ADARB2: variants seen among roughly 807,000 people sequenced by gnomAD.
ADARB2 encodes inactive double-stranded RNA-specific editase B2.
ADARB2 carries 25 observed loss-of-function variants against 62.2 expected under a neutral mutation model. The observed-to-expected ratio is 0.40, with a 90% CI of 0.29 to 0.56. ADARB2 has a LOEUF of 0.56. ADARB2 is among the 20% of genes least tolerant of loss of function. The pLI is 0.43. For synonymous variants in ADARB2, 572 were observed against 500.8 expected, an observed-to-expected ratio of 1.14 and a Z score of -1.90; for missense variants, 1,071 against 1,077.4, an observed-to-expected ratio of 0.99 and a Z score of 0.08.
At chr10:1,280,564 C>T (rs934879460) in intron 3 of ADARB2, among the ~76,000 whole-genome samples, 2 of 150,986 alleles carry the variant, frequency 1.3e-5, no homozygotes, top group African/African-American at 2.5e-5. Context: ...AGTGATGCTC[C>T]GTGAAATTCC....
At position 1,507,262 on chromosome 10, in the gene ADARB2, T is replaced by G. The variant is rs182887089; in HGVS notation, c.101-128102A>C. On this transcript the variant is annotated intron_variant, in intron 1 of 9. Transcript: ENST00000381312. ...GAAGGAAACAGAGTGGGCTCAGATG[T>G]GCTGGCTGTAGAAGAGGAGCTCGTT... is the stretch of plus-strand genomic sequence containing the variant. 9.2e-5 allele frequency among the ~76,000 whole-genome samples: 14 copies of G among 152,290 alleles called. No homozygotes were observed. The East Asian group carries it at 2.7e-3, about 29-fold the overall frequency.
intron 1 of ADARB2, among the ~76,000 whole-genome samples, chr10:1,538,524 G>C (rs1588292900): frequency 6.6e-6 from 1 of 152,196 alleles, no homozygotes; most frequent in South Asian, 2.1e-4. Context: ...AGAGGATCAC[G>C]CGGCCCCCAG....
At chr10:1,546,938 C>T (rs1832529384) in intron 1 of ADARB2, among the ~76,000 whole-genome samples, 1 of 152,224 alleles carries the variant, frequency 6.6e-6, no homozygotes, top group Non-Finnish European at 1.5e-5. Context: ...AGTGCGAACA[C>T]ACTCACTGGT....
In ADARB2 at chr10:1,524,075, T is replaced by A. The variant is rs143744774; in HGVS notation, c.101-144915A>T. Among the ~76,000 whole-genome samples, 385 of 151,946 alleles carry A rather than the reference T, an allele frequency of 2.5e-3. 1 individual carries two copies. Among genetic ancestry groups the A allele is most frequent in the African/African-American group, 8.8e-3 (363 of 41,346 alleles). Reference sequence around the variant, plus strand: ...GGGGATATGAAGATAGATAGATAGATAGATAGATAGATAGATAGATAGATA... The same window carrying A: ...GGGGATATGAAGATAGATAGATAGAAAGATAGATAGATAGATAGATAGATA... On this transcript the variant is annotated intron_variant, in intron 1 of 9. Coordinates refer to ENST00000381312, the MANE Select transcript of ADARB2 (RefSeq NM_018702.4).
intron 1 of ADARB2, among the ~76,000 whole-genome samples, chr10:1,642,996 C>T (rs61673541): frequency 0.17 from 25,115 of 152,208 alleles, 3,573 homozygotes; most frequent in African/African-American, 0.39. Context: ...TGTGTGCAAG[C>T]GCAGGGCCAA....
intron 4 of ADARB2, among the ~76,000 whole-genome samples, chr10:1,249,616 GCACACACACACA>G (rs58472524): frequency 2.0e-5 from 3 of 147,448 alleles, no homozygotes; most frequent in Admixed American, 1.4e-4. Context: ...GTGATTTTAT[GCACACACACACA>G]CACACACACA....
intron 1 of ADARB2, among the ~76,000 whole-genome samples, chr10:1,707,814 G>A (rs1834908101): frequency 6.6e-6 from 1 of 152,232 alleles, no homozygotes; most frequent in African/African-American, 2.4e-5. Flanking sequence ...AGGCAGCACA[G>A]AATTCAGACC....
chr10:1,491,625 T>G (rs1333818851), intron 1 of ADARB2, among the ~76,000 whole-genome samples: 1 of 152,170 alleles, frequency 6.6e-6, no homozygotes, highest in Non-Finnish European at 1.5e-5. Context: ...CAAAGTCAGA[T>G]GTAATGAGAC....
chr10:1,580,074 C>A (rs923781329), intron 1 of ADARB2, among the ~76,000 whole-genome samples: 1 of 152,188 alleles, frequency 6.6e-6, no homozygotes, highest in Non-Finnish European at 1.5e-5. Context: ...ACAGTGCCCC[C>A]GAATTGTCTA....
intron 1 of ADARB2, chr10:1,676,237 C>G (rs1306571316): frequency 5.4e-6 from 1 of 186,346 alleles, no homozygotes; most frequent in Admixed American, 6.5e-5. Flanking sequence ...ATAAGAGTCC[C>G]TGTTTTCTCA....
chr10:1,253,652 A>G (rs1049175639), intron 4 of ADARB2, among the ~76,000 whole-genome samples: 1 of 152,194 alleles, frequency 6.6e-6, no homozygotes, highest in African/African-American at 2.4e-5. Flanking sequence ...ATGGCAGGAG[A>G]GCAGAAACTG....
intron 1 of ADARB2, among the ~76,000 whole-genome samples, chr10:1,449,448 T>C (rs1380823159): frequency 6.6e-6 from 1 of 152,236 alleles, no homozygotes; most frequent in Non-Finnish European, 1.5e-5. Flanking sequence ...CCATTGGTCC[T>C]GTGTGTTTTC....
At chr10:1,290,201 C>T (rs7100551) in intron 3 of ADARB2, 5,599 of 82,574 alleles carry the variant, frequency 0.068, 330 homozygotes, top group African/African-American at 0.18. Context: ...ACTACCTTTT[C>T]CCCCATGTCT....
At chr10:1,293,997 T>C (rs1377724425) in intron 3 of ADARB2, among the ~76,000 whole-genome samples, 1 of 152,044 alleles carries the variant, frequency 6.6e-6, no homozygotes, top group Non-Finnish European at 1.5e-5. Context: ...GGGGAGCTGT[T>C]GGTCATCTGG....
Position 1,530,239 on chromosome 10 carries a change from C to T in ADARB2, c.101-151079G>A, listed in dbSNP as rs547267582. Among the ~76,000 whole-genome samples, 3 of 152,228 alleles carry T rather than the reference C, an allele frequency of 2.0e-5. No homozygotes were observed. In the South Asian group the frequency reaches 6.2e-4, roughly 31 times the overall value. On this transcript the variant is annotated intron_variant, in intron 1 of 9. Coordinates refer to ENST00000381312, the MANE Select transcript of ADARB2 (RefSeq NM_018702.4). ...AGTTGCCCGACCGAAACGCCCCTCT[C>T]AGAGCTCAGTGAGGGTCTCCCTCCT...
chr10:1,209,425 C>T (rs1837115362), intron 7 of ADARB2, among the ~76,000 whole-genome samples: 1 of 151,280 alleles, frequency 6.6e-6, no homozygotes. Flanking sequence ...ACACCGTCAC[C>T]CATGCCCACA....
At chr10:1,500,387 C>T (rs1370624724) in intron 1 of ADARB2, among the ~76,000 whole-genome samples, 4 of 152,200 alleles carry the variant, frequency 2.6e-5, no homozygotes, top group Admixed American at 6.5e-5. Flanking sequence ...AAGGTAGAAT[C>T]GGCATGACTT....
At chr10:1,526,074 G>A (rs1270191818) in intron 1 of ADARB2, among the ~76,000 whole-genome samples, 1 of 152,196 alleles carries the variant, frequency 6.6e-6, no homozygotes, top group Non-Finnish European at 1.5e-5. Flanking sequence ...CTCAGGAAGC[G>A]AGGGACAGGG....
intron 1 of ADARB2, among the ~76,000 whole-genome samples, chr10:1,686,909 T>A (rs1834603082): frequency 6.6e-6 from 1 of 152,160 alleles, no homozygotes. Context: ...GATCAAAGTC[T>A]AAAATGAAGA....
Sources: gnomAD v4.1 joint callset for allele counts (sites outside exome capture counted in the v4.1 genomes callset) on GRCh38, gnomAD v4.1.1 for gene constraint, MANE v1.5 for transcripts, NCBI Gene and HGNC (gene_info 2026-07-23, HGNC 2026-07-21) for gene names.